Variants in COL24A1 observed in about 807,000 individuals in gnomAD.
The protein encoded by COL24A1 is collagen alpha-1(XXIV) chain.
In COL24A1, 224 loss-of-function variants were observed where a neutral mutation model predicts 253.9. The observed-to-expected ratio is 0.88, with a 90% CI of 0.79 to 0.99. The LOEUF (loss-of-function observed/expected upper bound fraction) is 0.99, where lower values mean the gene tolerates loss of function less well. Among genes scored for constraint, COL24A1 ranks in the 50% least tolerant of loss-of-function variants. The pLI is 0.00. For missense variants in COL24A1, 2,131 were observed against 2,068.5 expected, an observed-to-expected ratio of 1.03 and a Z score of -0.59; for synonymous variants, 685 against 673.7, an observed-to-expected ratio of 1.02 and a Z score of -0.26.
intron 28 of COL24A1, among the ~76,000 whole-genome samples, chr1:85,902,968 T>C (rs968165611): frequency 6.6e-6 from 1 of 152,110 alleles, no homozygotes; most frequent in Admixed American, 6.6e-5. Context: ...ATACCCTAAA[T>C]ACCCTGACTT....
intron 5 of COL24A1, among the ~76,000 whole-genome samples, chr1:86,108,620 T>A (rs529892606): frequency 4.8e-5 from 4 of 83,098 alleles, no homozygotes; most frequent in East Asian, 3.7e-4. Context: ...CCATCTCTAC[T>A]AAAAAAAAAA....
chr1:85,793,147 ATAAT>A (rs1165271794), intron 47 of COL24A1, among the ~76,000 whole-genome samples: 1 of 152,158 alleles, frequency 6.6e-6, no homozygotes, highest in Non-Finnish European at 1.5e-5. Flanking sequence ...ATGGTAAAAG[ATAAT>A]TAAGTATATT....
intron 57 of COL24A1, among the ~76,000 whole-genome samples, chr1:85,744,142 C>G (rs10873718): frequency 0.89 from 135,395 of 152,054 alleles, 61,054 homozygotes; most frequent in Non-Finnish European, 0.97. Context: ...TTGTTCTAAT[C>G]TAAATTCATT....
At position 86,092,417 on chromosome 1, in the gene COL24A1, T is replaced by C. The variant is rs1703567530; in HGVS notation, c.1600-97A>G. 4 of 806,150 alleles carry C rather than the reference T, an allele frequency of 5.0e-6. No homozygotes were observed. In the African/African-American group the frequency reaches 5.4e-5, roughly 11 times the overall value. 49.9% of individuals were successfully genotyped at this position (806,150 alleles called of 1,614,324 possible). On this transcript the variant is annotated intron_variant, in intron 5 of 59. Coordinates refer to ENST00000370571, the MANE Select transcript of COL24A1 (RefSeq NM_152890.7). ...TTATTACCAGATGTTATATACATTA[T>C]ATGGTGTTAAATAAAATAATTTTAC...
At chr1:86,082,663 GTAA>G (rs1173870513) in intron 7 of COL24A1, among the ~76,000 whole-genome samples, 1 of 87,862 alleles carries the variant, frequency 1.1e-5, no homozygotes, top group Non-Finnish European at 2.6e-5. Flanking sequence ...TATATATACT[GTAA>G]TAATTTATAT....
chr1:85,742,923 A>G (rs1465404127), intron 57 of COL24A1, among the ~76,000 whole-genome samples: 1 of 152,128 alleles, frequency 6.6e-6, no homozygotes. Flanking sequence ...AGCATAAAGC[A>G]TATTCAAGAA....
chr1:86,076,601 G>A (rs1232705994), intron 7 of COL24A1, among the ~76,000 whole-genome samples: 1 of 152,142 alleles, frequency 6.6e-6, no homozygotes, highest in East Asian at 1.9e-4. Context: ...TAAGCCAAAA[G>A]AACAAAGCTG....
intron 51 of COL24A1, among the ~76,000 whole-genome samples, chr1:85,782,901 A>G (rs896041192): frequency 6.6e-6 from 1 of 152,222 alleles, no homozygotes; most frequent in East Asian, 1.9e-4. Flanking sequence ...CTAAAAACAA[A>G]ACAAAAAACT....
At chr1:85,827,999 T>C (rs1674621229) in intron 43 of COL24A1, among the ~76,000 whole-genome samples, 1 of 152,080 alleles carries the variant, frequency 6.6e-6, no homozygotes, top group Admixed American at 6.6e-5. Context: ...TTCTAGTTCT[T>C]TTAATTGTGA....
chr1:86,048,079 TAA>T (rs1002756688), intron 11 of COL24A1, among the ~76,000 whole-genome samples: 1 of 152,152 alleles, frequency 6.6e-6, no homozygotes, highest in African/African-American at 2.4e-5. Flanking sequence ...CAATCTTTTT[TAA>T]AAAAATAGAA....
At chr1:85,966,326 T>C (rs966088479) in intron 22 of COL24A1, among the ~76,000 whole-genome samples, 15 of 152,148 alleles carry the variant, frequency 9.9e-5, no homozygotes, top group African/African-American at 2.9e-4. Context: ...ATATGCTTGT[T>C]AGACATCTAA....
chr1:85,939,373 G>T (rs1688524988), intron 24 of COL24A1, among the ~76,000 whole-genome samples: 1 of 152,128 alleles, frequency 6.6e-6, no homozygotes, highest in Non-Finnish European at 1.5e-5. Flanking sequence ...GGTAAGAACT[G>T]TTGCTATCCT....
intron 7 of COL24A1, among the ~76,000 whole-genome samples, chr1:86,082,986 G>A (rs61802172): frequency 0.13 from 19,124 of 151,908 alleles, 1,347 homozygotes; most frequent in Middle Eastern, 0.23. Context: ...GATTTAGGAT[G>A]CTCAGTCTGA....
intron 2 of COL24A1, among the ~76,000 whole-genome samples, chr1:86,141,845 C>T (rs1651135327): frequency 6.6e-6 from 1 of 151,964 alleles, no homozygotes; most frequent in African/African-American, 2.4e-5. Context: ...GGATTACAGG[C>T]ATATGCCACC....
At chr1:86,013,427 A>G (rs490335) in intron 19 of COL24A1, among the ~76,000 whole-genome samples, 1,567 of 152,350 alleles carry the variant, frequency 0.01, 39 homozygotes, top group African/African-American at 0.035. Flanking sequence ...ATAACTGATC[A>G]TGTGTCATCC....
At chr1:86,032,226 T>A (rs1362142748) in intron 13 of COL24A1, among the ~76,000 whole-genome samples, 3 of 152,160 alleles carry the variant, frequency 2.0e-5, no homozygotes, top group Non-Finnish European at 4.4e-5. Flanking sequence ...CTATCAATAA[T>A]CAACACTGTA....
At chr1:85,849,292 CT>C in intron 38 of COL24A1, 60 bp downstream of exon 38, 1 of 1,253,464 alleles carries the variant, frequency 8.0e-7, no homozygotes, top group Non-Finnish European at 1.2e-6. Flanking sequence ...TTACAGCAGT[CT>C]ATGGAGTTCT....
chr1:85,964,886 CA>C, intron 23 of COL24A1, 122 bp downstream of exon 23: 1 of 755,470 alleles, frequency 1.3e-6, no homozygotes, highest in Non-Finnish European at 2.1e-6. Context: ...CTCTTTGTAA[CA>C]GTTTTAACAT....
chr1:86,049,826 T>A (rs1700172569), intron 11 of COL24A1, among the ~76,000 whole-genome samples: 1 of 152,142 alleles, frequency 6.6e-6, no homozygotes, highest in African/African-American at 2.4e-5. Context: ...ACTTTTGTAA[T>A]TCATTATAAT....
Sources: gnomAD v4.1 joint callset for allele counts (sites outside exome capture counted in the v4.1 genomes callset) on GRCh38, gnomAD v4.1.1 for gene constraint, MANE v1.5 for transcripts, NCBI Gene and HGNC (gene_info 2026-07-23, HGNC 2026-07-21) for gene names.